HS6ST3: variants seen among roughly 807,000 people sequenced by gnomAD.
HS6ST3 encodes the protein heparan sulfate 6-O-sulfotransferase 3, also known as heparan-sulfate 6-O-sulfotransferase 3.
A neutral mutation model predicts 36.7 loss-of-function variants in HS6ST3; 12 were observed. The observed-to-expected ratio is 0.33, with a 90% CI of 0.21 to 0.53. The LOEUF is 0.53. Among genes scored for constraint, HS6ST3 ranks in the 20% least tolerant of loss-of-function variants. The pLI is 0.95. For missense variants in HS6ST3, 584 were observed against 640.9 expected (o/e 0.91, Z 0.96); for synonymous variants, 240 against 257.5 (o/e 0.93, Z 0.65).
intron 1 of HS6ST3, among the ~76,000 whole-genome samples, chr13:96,575,838 A>G (rs186146325): frequency 6.6e-5 from 10 of 152,262 alleles, no homozygotes; most frequent in Admixed American, 5.2e-4. Context: ...TGCTTTGAAA[A>G]CATTGTCACA....
At chr13:96,609,137 T>G (rs1369239420) in intron 1 of HS6ST3, among the ~76,000 whole-genome samples, 2 of 151,752 alleles carry the variant, frequency 1.3e-5, no homozygotes, top group African/African-American at 4.8e-5. Flanking sequence ...GCCCAGCTAA[T>G]TTTTTTGTAT....
At chr13:96,759,452 T>G (rs898074957) in intron 1 of HS6ST3, among the ~76,000 whole-genome samples, 1 of 151,894 alleles carries the variant, frequency 6.6e-6, no homozygotes, top group Admixed American at 6.6e-5. Flanking sequence ...GTGTGTTTTA[T>G]GTATATATTA....
chr13:96,424,595 T>G (rs952002482), intron 1 of HS6ST3, among the ~76,000 whole-genome samples: 3 of 152,174 alleles, frequency 2.0e-5, no homozygotes, highest in Admixed American at 2.0e-4. Flanking sequence ...ATAGGTTCAA[T>G]GTCTGCTAAC....
At chr13:96,428,616 A>T (rs571246469) in intron 1 of HS6ST3, among the ~76,000 whole-genome samples, 4 of 152,136 alleles carry the variant, frequency 2.6e-5, no homozygotes, top group Non-Finnish European at 5.9e-5. Context: ...CATTTAATCT[A>T]GTTACCTCTT....
intron 1 of HS6ST3, among the ~76,000 whole-genome samples, chr13:96,720,322 A>T (rs1249650934): frequency 6.6e-6 from 1 of 152,202 alleles, no homozygotes; most frequent in Non-Finnish European, 1.5e-5. Context: ...TATAGTAGGT[A>T]GTAATTAAGT....
intron 1 of HS6ST3, among the ~76,000 whole-genome samples, chr13:96,318,570 G>C (rs980859961): frequency 8.0e-6 from 1 of 124,332 alleles, no homozygotes. Context: ...CAAAACAAAA[G>C]AAATAAAGGT....
chr13:96,254,500 CACATACAT>C (rs1352169599), intron 1 of HS6ST3, among the ~76,000 whole-genome samples: 576 of 19,086 alleles, frequency 0.03, 38 homozygotes, highest in African/African-American at 0.084. Context: ...TATATATATA[CACATACAT>C]ACACACACAC....
chr13:96,474,417 A>G (rs2055853564), intron 1 of HS6ST3, among the ~76,000 whole-genome samples: 1 of 152,210 alleles, frequency 6.6e-6, no homozygotes, highest in African/African-American at 2.4e-5. Flanking sequence ...AACAGGAAGG[A>G]TGACAAATCC....
At chr13:96,831,963 A>AAAAAAAAAAAG (rs1878798958) in intron 1 of HS6ST3, among the ~76,000 whole-genome samples, 1 of 145,014 alleles carries the variant, frequency 6.9e-6, no homozygotes, top group African/African-American at 2.6e-5. Flanking sequence ...TCAAAAAAAA[A>AAAAAAAAAAAG]AAAAAAAAAA....
chr13:96,144,086 C>T (rs1376757513), intron 1 of HS6ST3, among the ~76,000 whole-genome samples: 1 of 152,176 alleles, frequency 6.6e-6, no homozygotes, highest in African/African-American at 2.4e-5. Context: ...AAAATCTACC[C>T]CTGCTGTTGC....
intron 1 of HS6ST3, among the ~76,000 whole-genome samples, chr13:96,440,185 G>T (rs949198981): frequency 6.6e-6 from 1 of 152,180 alleles, no homozygotes; most frequent in African/African-American, 2.4e-5. Context: ...GGTGGCTCAC[G>T]CCTATAATCC....
At chr13:96,807,450 G>A (rs1878222894) in intron 1 of HS6ST3, among the ~76,000 whole-genome samples, 1 of 152,120 alleles carries the variant, frequency 6.6e-6, no homozygotes, top group Admixed American at 6.6e-5. Context: ...TATGAAAGGG[G>A]GAAATGTGGA....
At chr13:96,373,493 G>C (rs1566341234) in intron 1 of HS6ST3, among the ~76,000 whole-genome samples, 1 of 152,168 alleles carries the variant, frequency 6.6e-6, no homozygotes, top group Non-Finnish European at 1.5e-5. Context: ...AGAGTGAGAA[G>C]AGTATAAATG....
chr13:96,731,953 G>A (rs1215265625), intron 1 of HS6ST3, among the ~76,000 whole-genome samples: 1 of 152,114 alleles, frequency 6.6e-6, no homozygotes, highest in Non-Finnish European at 1.5e-5. Context: ...ACCACACAGA[G>A]CCTATTTTTA....
intron 1 of HS6ST3, among the ~76,000 whole-genome samples, chr13:96,604,531 CTGTA>C (rs1360930123): frequency 6.6e-6 from 1 of 152,078 alleles, no homozygotes; most frequent in African/African-American, 2.4e-5. Flanking sequence ...GAACCTTTCT[CTGTA>C]TGATCAAAGG....
At chr13:96,506,282 C>G (rs565380290) in intron 1 of HS6ST3, among the ~76,000 whole-genome samples, 116 of 152,124 alleles carry the variant, frequency 7.6e-4, no homozygotes, top group Non-Finnish European at 1.4e-3. Context: ...TCAAAATACT[C>G]TTAGTAGGTA....
chr13:96,161,238 T>C (rs1212271740), intron 1 of HS6ST3, among the ~76,000 whole-genome samples: 2 of 152,090 alleles, frequency 1.3e-5, no homozygotes, highest in Non-Finnish European at 2.9e-5. Flanking sequence ...AAGAGATAAG[T>C]ACACTCACAG....
At chr13:96,398,816 T>C (rs972820550) in intron 1 of HS6ST3, among the ~76,000 whole-genome samples, 1 of 152,228 alleles carries the variant, frequency 6.6e-6, no homozygotes, top group South Asian at 2.1e-4. Flanking sequence ...TATAAGACTT[T>C]GTCTTAGCAG....
intron 1 of HS6ST3, among the ~76,000 whole-genome samples, chr13:96,590,872 G>A (rs2056379648): frequency 6.6e-6 from 1 of 152,004 alleles, no homozygotes; most frequent in Non-Finnish European, 1.5e-5. Context: ...TTTGTATATG[G>A]CAAGAGAAAG....
Sources: gnomAD v4.1 joint callset for allele counts (sites outside exome capture counted in the v4.1 genomes callset) on GRCh38, gnomAD v4.1.1 for gene constraint, MANE v1.5 for transcripts, NCBI Gene and HGNC (gene_info 2026-07-23, HGNC 2026-07-21) for gene names.